MTHFD2L: variants seen among roughly 807,000 people sequenced by gnomAD.
The protein encoded by MTHFD2L is methylenetetrahydrofolate dehydrogenase (NADP+ dependent) 2 like, also known as bifunctional methylenetetrahydrofolate dehydrogenase/cyclohydrolase 2, mitochondrial.
A neutral mutation model predicts 34.9 loss-of-function variants in MTHFD2L; 29 were observed. The ratio of observed to expected loss-of-function variants is 0.83; its 90% CI spans 0.62 to 1.13. MTHFD2L has a LOEUF of 1.13. MTHFD2L is among the 50% of genes most tolerant of loss of function. MTHFD2L has a pLI of 0.00. For missense variants in MTHFD2L, 481 were observed against 446.5 expected (o/e 1.08, Z -0.70); for synonymous variants, 167 against 155.7 (o/e 1.07, Z -0.54).
At chr4:74,221,824 G>T (rs1738246660) in intron 5 of MTHFD2L, among the ~76,000 whole-genome samples, 2 of 146,546 alleles carry the variant, frequency 1.4e-5, no homozygotes, top group South Asian at 2.1e-4. Context: ...TTTTCTTTGT[G>T]CATTAAAAAA....
At chr4:74,291,978 C>T (rs186156272) in intron 7 of MTHFD2L, among the ~76,000 whole-genome samples, 81 of 152,286 alleles carry the variant, frequency 5.3e-4, no homozygotes, top group Admixed American at 1.6e-3. Flanking sequence ...AAGAGAAGAT[C>T]TTATACTTTA....
intron 1 of MTHFD2L, among the ~76,000 whole-genome samples, chr4:74,159,107 G>T (rs1367539464): frequency 1.3e-5 from 2 of 152,170 alleles, no homozygotes; most frequent in Non-Finnish European, 1.5e-5. Context: ...CCCTAGAAAA[G>T]CAATGACTGG....
intron 1 of MTHFD2L, among the ~76,000 whole-genome samples, chr4:74,151,922 T>G (rs1012426043): frequency 2.1e-4 from 32 of 152,194 alleles, no homozygotes; most frequent in Non-Finnish European, 3.7e-4. Flanking sequence ...TGAAATATTT[T>G]TATATCTAGT....
rs548731859 is a variant in MTHFD2L, at chr4:74,170,692, A to T, written c.144-3814A>T. ...TCAAACCCCATATCTGATAAAGGAC[A>T]TGAATCTAGGATACACAAAGAACTT... On this transcript the variant is annotated intron_variant, in intron 1 of 7. Coordinates refer to ENST00000325278, the MANE Select transcript of MTHFD2L (RefSeq NM_001144978.3). 1.1e-4 allele frequency among the ~76,000 whole-genome samples: 16 copies of T among 152,264 alleles called. No individual in the cohort carries two copies. In the South Asian group the frequency reaches 3.3e-3, roughly 32 times the overall value.
chr4:74,146,498 T>G (rs1483995897), intron 1 of MTHFD2L, among the ~76,000 whole-genome samples: 3 of 152,160 alleles, frequency 2.0e-5, no homozygotes, highest in African/African-American at 7.2e-5. Flanking sequence ...TATATACACA[T>G]TAACAATAAA....
In MTHFD2L at chr4:74,221,161, G is replaced by A. The variant is rs141118720; in HGVS notation, c.713-4141G>A. Among the ~76,000 whole-genome samples the A allele has an allele frequency of 6.6e-5, 10 of 150,684 alleles. No individual in the cohort carries two copies. In the East Asian group the frequency reaches 2.0e-3, roughly 29 times the overall value. On this transcript the variant is annotated intron_variant, in intron 5 of 7. Coordinates refer to ENST00000325278, the MANE Select transcript of MTHFD2L (RefSeq NM_001144978.3). Reference sequence around the variant, plus strand: ...TTGTCAATAATTATAATTTTACTGAGTTGTAATCAAATAAAATTATAGTCT... The same window carrying A: ...TTGTCAATAATTATAATTTTACTGAATTGTAATCAAATAAAATTATAGTCT...
chr4:74,231,112 A>G (rs747507874), intron 6 of MTHFD2L, among the ~76,000 whole-genome samples: 15 of 152,182 alleles, frequency 9.9e-5, no homozygotes, highest in Admixed American at 2.0e-4. Context: ...AACACTTTTA[A>G]TGACAGATAC....
intron 7 of MTHFD2L, among the ~76,000 whole-genome samples, chr4:74,286,255 A>T (rs1748155907): frequency 6.6e-6 from 1 of 152,190 alleles, no homozygotes; most frequent in South Asian, 2.1e-4. Context: ...CTGTGATAAC[A>T]TTATTTTGCA....
intron 6 of MTHFD2L, among the ~76,000 whole-genome samples, chr4:74,278,217 G>T (rs747770808): frequency 1.3e-5 from 2 of 152,010 alleles, no homozygotes; most frequent in Non-Finnish European, 2.9e-5. Flanking sequence ...ACCAGCCTCC[G>T]AAGTACAACC....
At chr4:74,254,519 C>T (rs901311966) in intron 6 of MTHFD2L, among the ~76,000 whole-genome samples, 3 of 148,786 alleles carry the variant, frequency 2.0e-5, no homozygotes, top group South Asian at 2.1e-4. Context: ...ATAGAACTAT[C>T]AACTAAGTAT....
chr4:74,280,991 C>T (rs763658348), intron 6 of MTHFD2L, among the ~76,000 whole-genome samples: 3 of 151,652 alleles, frequency 2.0e-5, no homozygotes, highest in Non-Finnish European at 4.4e-5. Context: ...TCCTTTCTAT[C>T]TCTCTCCCTT....
chr4:74,134,808 T>G (rs1172238728), intron 1 of MTHFD2L, among the ~76,000 whole-genome samples: 2 of 152,020 alleles, frequency 1.3e-5, no homozygotes, highest in African/African-American at 4.8e-5. Context: ...AACTAAGAAC[T>G]ACATTTGCTG....
chr4:74,182,060 A>G (rs767595801), intron 3 of MTHFD2L, among the ~76,000 whole-genome samples: 18 of 152,004 alleles, frequency 1.2e-4, no homozygotes, highest in Non-Finnish European at 2.4e-4. Context: ...ACTCTTTCCT[A>G]TTTTATTCTG....
chr4:74,162,701 A>G (rs1353086397), intron 1 of MTHFD2L, among the ~76,000 whole-genome samples: 1 of 152,186 alleles, frequency 6.6e-6, no homozygotes, highest in African/African-American at 2.4e-5. Flanking sequence ...AACTAAAGGA[A>G]GTAGATAGAC....
At chr4:74,265,620 T>C (rs1193395701) in intron 6 of MTHFD2L, among the ~76,000 whole-genome samples, 2 of 152,216 alleles carry the variant, frequency 1.3e-5, no homozygotes, top group East Asian at 3.8e-4. Flanking sequence ...TATTGAGTTA[T>C]TAAGCTGGAA....
Position 74,302,654 on chromosome 4 carries a change from C to T in MTHFD2L, c.*845C>T, listed in dbSNP as rs1398045795. On this transcript the variant is annotated 3_prime_UTR_variant, in exon 8 of 8. Coordinates refer to ENST00000325278, the MANE Select transcript of MTHFD2L (RefSeq NM_001144978.3). ...AGAAAAAACTAAAGTTGTATTTTCC[C>T]ACAAATATAGTATGAATGAGGTCAT... 6.6e-6 allele frequency: 1 copy of T among 151,962 alleles called. No individual in the cohort carries two copies. Among genetic ancestry groups the T allele is most frequent in the Non-Finnish European group, 1.5e-5 (1 of 67,958 alleles). The allele number at this position is 151,962 out of a possible 1,614,324, so 9.4% of individuals were successfully genotyped here.
At chr4:74,210,781 A>T (rs1736177605) in intron 5 of MTHFD2L, among the ~76,000 whole-genome samples, 1 of 152,168 alleles carries the variant, frequency 6.6e-6, no homozygotes, top group African/African-American at 2.4e-5. Context: ...TTTGGGCAGT[A>T]TGGCCATTTT....
At chr4:74,190,648 A>G (rs1445617548) in intron 3 of MTHFD2L, 3 of 382,842 alleles carry the variant, frequency 7.8e-6, no homozygotes, top group African/African-American at 6.6e-5. Context: ...CTCTTAAATA[A>G]TATTGGGAAA....
intron 2 of MTHFD2L, among the ~76,000 whole-genome samples, chr4:74,117,536 C>T (rs554392017): frequency 3.9e-4 from 59 of 152,224 alleles, no homozygotes; most frequent in African/African-American, 1.4e-3. Flanking sequence ...AGTAGGGCTG[C>T]TGCTTGGATT....
Sources: gnomAD v4.1 joint callset for allele counts (sites outside exome capture counted in the v4.1 genomes callset) on GRCh38, gnomAD v4.1.1 for gene constraint, MANE v1.5 for transcripts, NCBI Gene and HGNC (gene_info 2026-07-23, HGNC 2026-07-21) for gene names.